The following PRKG1 variants were observed in gnomAD, a reference collection of about 807,000 sequenced individuals.
PRKG1 encodes cGMP-dependent protein kinase 1.
A neutral mutation model predicts 88.1 loss-of-function variants in PRKG1; 35 were observed. The ratio of observed to expected loss-of-function variants is 0.40; its 90% confidence interval spans 0.30 to 0.53. The LOEUF (loss-of-function observed/expected upper bound fraction) is 0.53. Ranked by LOEUF, PRKG1 falls within the 20% of genes least tolerant of loss-of-function variation. PRKG1 has a pLI of 0.59. For synonymous variants in PRKG1, 303 were observed against 292.5 expected (o/e 1.04, Z -0.37); for missense variants, 540 against 839.8 (o/e 0.64, Z 4.41).
At chr10:51,035,511 T>A (rs1843341622) in intron 1 of PRKG1, among the ~76,000 whole-genome samples, 2 of 152,178 alleles carry the variant, frequency 1.3e-5, no homozygotes, top group African/African-American at 4.8e-5. Context: ...AACACCTGGG[T>A]GATACCTGAC....
Position 50,991,700 on chromosome 10 carries a change from G to T in PRKG1, c.266+56G>T. 1 of 1,202,702 alleles carries T rather than the reference G, an allele frequency of 8.3e-7. No homozygotes were observed. The highest frequency in any genetic ancestry group is 3.2e-5 in the South Asian group (1 of 30,882). 74.5% of individuals were successfully genotyped at this position (1,202,702 alleles called of 1,614,324 possible). On this transcript the variant is annotated intron_variant, in intron 1 of 17. Transcript: ENST00000401604. This position sits in a 1 kb window ranked among gnomAD's most constrained non-coding sequence, Gnocchi z 4.5. The stretch of plus-strand genomic sequence containing the variant: ...CGTCCCGGCCCGCGGCGCAGAGGCT[G>T]GGGGCTCTGGCCGCGGCGGCGGGGG...
intron 5 of PRKG1, among the ~76,000 whole-genome samples, chr10:51,928,020 G>T (rs1044146872): frequency 6.6e-6 from 1 of 152,104 alleles, no homozygotes; most frequent in African/African-American, 2.4e-5. Flanking sequence ...CAACTTTCAG[G>T]AAACAGGTCA....
chr10:52,085,104 G>A (rs2133311363), intron 7 of PRKG1, among the ~76,000 whole-genome samples: 1 of 152,154 alleles, frequency 6.6e-6, no homozygotes, highest in South Asian at 2.1e-4. Context: ...TCTCTCACTG[G>A]TGATATTAAT....
intron 2 of PRKG1, among the ~76,000 whole-genome samples, chr10:51,410,247 T>C (rs1838043607): frequency 1.4e-5 from 1 of 73,192 alleles, no homozygotes. Context: ...TATGTGTGTG[T>C]GTGTGTGTGT....
At position 51,329,930 on chromosome 10, in the gene PRKG1, CT is replaced by C. The variant is rs201514807; in HGVS notation, c.479-137778del. 5.1e-3 allele frequency among the ~76,000 whole-genome samples: 672 copies of C among 132,024 alleles called. 2 individuals are homozygous for C. Among genetic ancestry groups the C allele is most frequent in the African/African-American group, 0.013 (481 of 36,394 alleles). 86.6% of individuals were successfully genotyped at this position (132,024 alleles called of 152,430 possible). ...TGATTGTACTATGTCTTAGGGAAAT[CT>C]TTTTTTTTTTTTTTGGATTAGATAT... On this transcript the variant is annotated intron_variant, in intron 2 of 17. Transcript: ENST00000373980.
chr10:51,992,385 A>G (rs1339078146), intron 5 of PRKG1, among the ~76,000 whole-genome samples: 1 of 152,196 alleles, frequency 6.6e-6, no homozygotes, highest in East Asian at 1.9e-4. Flanking sequence ...CCTTTTTAAA[A>G]AAAAAATCTT....
chr10:51,314,531 A>G (rs1381151620), intron 2 of PRKG1, among the ~76,000 whole-genome samples: 1 of 152,164 alleles, frequency 6.6e-6, no homozygotes, highest in Non-Finnish European at 1.5e-5. Flanking sequence ...AATTATGTGG[A>G]TGATGAAATA....
chr10:51,049,326 C>T (rs1843532727), intron 1 of PRKG1, among the ~76,000 whole-genome samples: 1 of 152,190 alleles, frequency 6.6e-6, no homozygotes. Flanking sequence ...AATTAATACT[C>T]TCATAACTGC....
chr10:51,258,277 G>A (rs1022365864), intron 2 of PRKG1, among the ~76,000 whole-genome samples: 4 of 152,082 alleles, frequency 2.6e-5, no homozygotes, highest in South Asian at 2.1e-4. Context: ...TTCAAAAGTC[G>A]AGACTGTAGT....
intron 4 of PRKG1, among the ~76,000 whole-genome samples, chr10:51,822,458 TGAA>T (rs964212031): frequency 4.6e-5 from 7 of 151,966 alleles, no homozygotes; most frequent in African/African-American, 1.7e-4. Flanking sequence ...TGGCGCTAAA[TGAA>T]GAAAAAAAAG....
Position 52,251,619 on chromosome 10 carries a change from A to G in PRKG1, c.1126A>G (p.Asn376Asp). 1.9e-6 allele frequency: 3 copies of G among 1,613,668 alleles called. No individual in the cohort carries two copies. Among genetic ancestry groups the G allele is most frequent in the Non-Finnish European group, 2.5e-6 (3 of 1,179,670 alleles). ...CGCCAACCTGAAGCTGTCTGATTTC[A>G]ACATCATTGATACCCTTGGAGTTGG... ...FFANLKLSDFNIIDTLGVGGF... is the reference protein window; with the variant it reads ...FFANLKLSDFDIIDTLGVGGF... The change falls in exon 10 of 18, where the codon AAC becomes GAC. Residue 376 changes from asparagine to aspartate, a missense_variant. By Grantham distance (23) the Asn-to-Asp change is conservative. Coordinates refer to ENST00000373980, the MANE Select transcript of PRKG1 (RefSeq NM_006258.4).
At chr10:51,990,066 C>T (rs1844263785) in intron 5 of PRKG1, among the ~76,000 whole-genome samples, 2 of 152,164 alleles carry the variant, frequency 1.3e-5, no homozygotes, top group Non-Finnish European at 2.9e-5. Flanking sequence ...TATTTCAACA[C>T]TATTTATTGA....
At chr10:51,245,921 A>G (rs1379823922) in intron 2 of PRKG1, 1 of 152,112 alleles carries the variant, frequency 6.6e-6, no homozygotes, top group Non-Finnish European at 1.5e-5. Context: ...GAAGAGCAAA[A>G]GCTAGGAGTT....
rs559298927 is a variant in PRKG1, at chr10:51,289,590, C to T, written c.478+136260C>T. Among the ~76,000 whole-genome samples the T allele has an allele frequency of 1.1e-4, 17 of 152,108 alleles. 1 individual carries two copies. The South Asian group carries it at 3.5e-3, about 32-fold the overall frequency. Reference sequence around the variant, plus strand: ...TTTTTAACCCTGTAGGCAGCAGAGTCACCTAGGATACTTGGGAAACACAGT... The same window carrying T: ...TTTTTAACCCTGTAGGCAGCAGAGTTACCTAGGATACTTGGGAAACACAGT... On this transcript the variant is annotated intron_variant, in intron 2 of 17. Coordinates refer to ENST00000373980, the MANE Select transcript of PRKG1 (RefSeq NM_006258.4).
chr10:52,076,761 A>T (rs1846638996), intron 7 of PRKG1, among the ~76,000 whole-genome samples: 1 of 152,234 alleles, frequency 6.6e-6, no homozygotes, highest in South Asian at 2.1e-4. Context: ...CTAATTTTTT[A>T]AAACATCCAA....
chr10:51,558,436 T>C (rs1007916685), intron 3 of PRKG1, among the ~76,000 whole-genome samples: 6 of 152,026 alleles, frequency 3.9e-5, no homozygotes, highest in Non-Finnish European at 7.4e-5. Context: ...TATTTATTCC[T>C]ATTTCCATAA....
At chr10:51,581,119 G>A (rs1434519188) in intron 3 of PRKG1, among the ~76,000 whole-genome samples, 1 of 152,132 alleles carries the variant, frequency 6.6e-6, no homozygotes, top group Non-Finnish European at 1.5e-5. Flanking sequence ...AGGGTCATTT[G>A]ACTATGAGGT....
intron 5 of PRKG1, among the ~76,000 whole-genome samples, chr10:51,961,155 C>T (rs966633770): frequency 6.6e-6 from 1 of 152,122 alleles, no homozygotes; most frequent in Non-Finnish European, 1.5e-5. Context: ...ACAGAACTAA[C>T]ATAATACCAA....
intron 1 of PRKG1, among the ~76,000 whole-genome samples, chr10:51,055,462 G>A (rs1218210618): frequency 6.6e-6 from 1 of 151,944 alleles, no homozygotes; most frequent in African/African-American, 2.4e-5. Context: ...CAGTCTCTCA[G>A]TGCAGGGTCA....
Sources: allele counts gnomAD v4.1 joint callset (sites outside exome capture counted in the v4.1 genomes callset), GRCh38; gene constraint gnomAD v4.1.1; non-coding constraint Gnocchi (gnomAD v3.1); transcripts MANE v1.5; gene names NCBI Gene and HGNC (gene_info 2026-07-23, HGNC 2026-07-21).